Variants in RPS6KL1 observed in about 807,000 individuals in gnomAD.
RPS6KL1 encodes the protein ribosomal protein S6 kinase like 1.
RPS6KL1 carries 41 observed loss-of-function variants against 57.0 expected under a neutral mutation model. That is an observed-to-expected ratio of 0.72 (90% confidence interval 0.56 to 0.93). The LOEUF is 0.93. Among genes scored for constraint, RPS6KL1 ranks in the 40% least tolerant of loss-of-function variants. The probability of loss-of-function intolerance (pLI) is 0.00; values close to 1 mark genes in which losing one functional copy is unlikely to be tolerated. For missense variants in RPS6KL1, 697 were observed against 727.7 expected (o/e 0.96, Z 0.49); for synonymous variants, 287 against 309.7 (o/e 0.93, Z 0.77).
chr14:74,914,973 A>G (rs1049004275), intron 5 of RPS6KL1, among the ~76,000 whole-genome samples: 3 of 152,202 alleles, frequency 2.0e-5, no homozygotes, highest in African/African-American at 7.2e-5. Flanking sequence ...TGGCTCCCCA[A>G]AGTGTTGGGA....
chr14:74,917,493 T>C (rs1887045632), intron 5 of RPS6KL1, among the ~76,000 whole-genome samples: 1 of 152,198 alleles, frequency 6.6e-6, no homozygotes. Flanking sequence ...TGGGCATCTG[T>C]ATTTTTAGGA....
chr14:74,909,934 G>A lies in RPS6KL1; in HGVS notation c.879C>T (p.Ala293=). The A allele has an allele frequency of 6.2e-7, 1 of 1,614,118 alleles. No homozygotes were observed. Among genetic ancestry groups the A allele is most frequent in the African/African-American group, 1.3e-5 (1 of 75,050 alleles). ...TSPNLLLAGE[A]PSTRPQREAE... is the part of the protein sequence containing the mutation. The stretch of plus-strand genomic sequence containing the variant: ...CCTCCCTCTGGGGTCTGGTGGATGG[G>A]GCCTCCCCAGCTAGGAGAAGGTTCG... The change falls in exon 8 of 12, where the codon GCC becomes GCT. Residue 293 remains alanine (A), a synonymous_variant. Coordinates refer to ENST00000557413, the MANE Select transcript of RPS6KL1 (RefSeq NM_031464.5).
Position 74,905,623 on chromosome 14 carries a change from T to C in RPS6KL1, c.*1391A>G, listed in dbSNP as rs892237144. ...GCCCCAATGAGCCGTGGTCATTGCA[T>C]GGAAGAAGCGAGAACACCGTAGGCC... On this transcript the variant is annotated 3_prime_UTR_variant, in exon 12 of 12. Coordinates refer to ENST00000557413, the MANE Select transcript of RPS6KL1 (RefSeq NM_031464.5). 6.6e-6 allele frequency: 1 copy of C among 152,230 alleles called. No homozygotes were observed. Among genetic ancestry groups the C allele is most frequent in the African/African-American group, 2.4e-5 (1 of 41,434 alleles). 9.4% of individuals were successfully genotyped at this position (152,230 alleles called of 1,614,324 possible). A position where few individuals can be genotyped will look rare whatever the true frequency, so the allele number is the denominator to read the frequency against.
Position 74,919,942 on chromosome 14 carries a change from G to C in RPS6KL1, c.293C>G (p.Ala98Gly). 6.2e-7 allele frequency: 1 copy of C among 1,614,180 alleles called. No individual in the cohort carries two copies. Among genetic ancestry groups the C allele is most frequent in the Non-Finnish European group, 8.5e-7 (1 of 1,180,032 alleles). The change falls in exon 4 of 12, where the codon GCT becomes GGT. Residue 98 changes from alanine to glycine, a missense_variant. Coordinates refer to ENST00000557413, the MANE Select transcript of RPS6KL1 (RefSeq NM_031464.5). ...GTATTTGGTAATTTTCAGCTTCACA[G>C]CCTCACGTCGCTCCTTGTTGGGGTC... ...HVDPNKERRE[A>G]VKLKITKYLR...
Position 74,919,900 on chromosome 14 carries a change from T to A in RPS6KL1, c.335A>T (p.Glu112Val). The change falls in exon 4 of 12, where the codon GAG (glutamate) becomes GTG (valine). Residue 112 changes from glutamate to valine, a missense_variant. By Grantham distance (121) the Glu-to-Val change is moderately radical. Coordinates refer to ENST00000557413, the MANE Select transcript of RPS6KL1 (RefSeq NM_031464.5). Reference sequence around the variant, plus strand: ...CCGCTGCAGGTGGCAGTTGAAGATCTCCTCTGCCCGCCGCAGGTATTTGGT... The same window carrying A: ...CCGCTGCAGGTGGCAGTTGAAGATCACCTCTGCCCGCCGCAGGTATTTGGT... ...KITKYLRRAE[E>V]IFNCHLQRPL... is the part of the protein sequence containing the mutation. 1 of 1,613,894 alleles carries A rather than the reference T, an allele frequency of 6.2e-7. No homozygotes were observed. Among genetic ancestry groups the A allele is most frequent in the Non-Finnish European group, 8.5e-7 (1 of 1,179,974 alleles).
chr14:74,921,238 T>TACCCCCCCCCCCCCCCCCCCC, intron 3 of RPS6KL1, 39 bp downstream of exon 3: 1 of 840,174 alleles, frequency 1.2e-6, no homozygotes. Context: ...CACTGGCCCT[T>TACCCCCCCCCCCCCCCCCCCC]CCCCACCCAC....
At position 74,904,734 on chromosome 14, in the gene RPS6KL1, TTTGATAGCC is replaced by T. The variant is rs1043771604; in HGVS notation, c.*2271_*2279del. On this transcript the variant is annotated 3_prime_UTR_variant, in exon 12 of 12. Transcript: ENST00000557413. Reference sequence around the variant, plus strand: ...GTGGGGGCATCTCATTTCATTTGGATTTGATAGCCTTGTGGACCAAGATGCTCAAGGTCA... The same window carrying T: ...GTGGGGGCATCTCATTTCATTTGGATTTGTGGACCAAGATGCTCAAGGTCA... The T allele has an allele frequency of 5.9e-5, 9 of 152,200 alleles. No individual in the cohort carries two copies. The highest frequency in any genetic ancestry group is 2.2e-4 in the African/African-American group (9 of 41,438). 9.4% of individuals were successfully genotyped at this position (152,200 alleles called of 1,614,324 possible). A position where few individuals can be genotyped will look rare whatever the true frequency, so the allele number is the denominator to read the frequency against.
chr14:74,909,380 C>T, intron 8 of RPS6KL1, 163 bp downstream of exon 8: 1 of 1,064,944 alleles, frequency 9.4e-7, no homozygotes. Flanking sequence ...CAGGGTACTC[C>T]CAGGAGCCTC....
intron 7 of RPS6KL1, 114 bp from the exon 8 acceptor site, chr14:74,910,262 C>T: frequency 4.0e-6 from 5 of 1,243,406 alleles, no homozygotes; most frequent in Non-Finnish European, 4.3e-6. Flanking sequence ...CTTTCCGCCT[C>T]TGGGTGTCCT....
Position 74,922,277 on chromosome 14 carries a change from C to A in RPS6KL1, c.-320G>T, listed in dbSNP as rs1365926584. 34 of 986,080 alleles carry A rather than the reference C, an allele frequency of 3.4e-5. No individual in the cohort carries two copies. The highest frequency in any genetic ancestry group is 3.9e-5 in the Non-Finnish European group (32 of 830,476). 61.1% of individuals were successfully genotyped at this position (986,080 alleles called of 1,614,324 possible). On this transcript the variant is annotated 5_prime_UTR_variant, in exon 2 of 12. The change abolishes an upstream ATG in the 5' untranslated region. Coordinates refer to ENST00000557413, the MANE Select transcript of RPS6KL1 (RefSeq NM_031464.5). ...CACGCTGGGCTCAAATGCTGTTCCT[C>A]ATGCTGTTCCCTCCACCCTGCCTGT...
chr14:74,921,238 T>TTCCCCCCCCCCCCCCC, intron 3 of RPS6KL1, 39 bp downstream of exon 3: 13 of 840,138 alleles, frequency 1.5e-5, no homozygotes, highest in East Asian at 5.3e-5. Flanking sequence ...CACTGGCCCT[T>TTCCCCCCCCCCCCCCC]CCCCACCCAC....
Position 74,907,511 on chromosome 14 carries a change from G to A in RPS6KL1, c.1463C>T (p.Pro488Leu), listed in dbSNP as rs762624729. ...CTGGGTGTGGGCCTGGATTCCTGAA[G>A]GGTGGCTCTGGGACAGTGCCTGGGA... ...LTGMALSQSHPSGIQAHTQLQ... is the reference protein window; with the variant it reads ...LTGMALSQSHLSGIQAHTQLQ... Residue 488 changes from proline (P) to leucine (L), a missense_variant, in exon 11 of 12, where the codon CCT becomes CTT. Physicochemically the swap from Pro to Leu is moderately conservative, Grantham distance 98 (BLOSUM62 -3). Coordinates refer to ENST00000557413, the MANE Select transcript of RPS6KL1 (RefSeq NM_031464.5). 56 of 1,579,162 alleles carry A rather than the reference G, an allele frequency of 3.5e-5. No individual in the cohort carries two copies. Among genetic ancestry groups the A allele is most frequent in the Non-Finnish European group, 4.8e-5 (56 of 1,162,354 alleles).
At position 74,909,112 on chromosome 14, in the gene RPS6KL1, TAGAG is replaced by T. The variant is rs760909076; in HGVS notation, c.1345_1348del (p.Leu449ThrfsTer12). On this transcript the variant is annotated frameshift_variant, in exon 9 of 12. Coordinates refer to ENST00000557413, the MANE Select transcript of RPS6KL1 (RefSeq NM_031464.5). LOFTEE classifies it high-confidence loss of function. ...TCCCCCCTTCTTGCCTGGGGCGCTG[TAGAG>T]ATTGTCCACGGCCTCCCCGCAGCAC... 2 of 1,613,876 alleles carry T rather than the reference TAGAG, an allele frequency of 1.2e-6. No homozygotes were observed. Among genetic ancestry groups the T allele is most frequent in the Admixed American group, 1.7e-5 (1 of 60,000 alleles).
intron 4 of RPS6KL1, 31 bp from the exon 5 acceptor site, chr14:74,918,636 C>T (rs1485384566): frequency 6.6e-7 from 1 of 1,504,438 alleles, no homozygotes; most frequent in African/African-American, 1.4e-5. Context: ...CCACACACAG[C>T]CTCAGGGCCG....
chr14:74,906,414 G>GGGA lies in RPS6KL1; in HGVS notation c.*599_*600insTCC, dbSNP rs1884850956. The GGGA allele has an allele frequency of 3.0e-6, 1 of 338,642 alleles. No individual in the cohort carries two copies. The highest frequency in any genetic ancestry group is 2.1e-5 in the South Asian group (1 of 48,352). The allele number at this position is 338,642 out of a possible 1,614,324, so 21.0% of individuals were successfully genotyped here. On this transcript the variant is annotated 3_prime_UTR_variant, in exon 12 of 12. Coordinates refer to ENST00000557413, the MANE Select transcript of RPS6KL1 (RefSeq NM_031464.5). ...GCATGGTCAGGAATCGGGGGTGGGG[G>GGGA]GGTGGGGGTGGGGGTCATCCTGTCC...
chr14:74,907,374 GCC>G, intron 11 of RPS6KL1, 59 bp downstream of exon 11: 27 of 1,532,712 alleles, frequency 1.8e-5, no homozygotes, highest in Non-Finnish European at 2.4e-5. Context: ...ACAGTTCTGT[GCC>G]CCTCCCAGCA....
chr14:74,917,500 A>C (rs1300039580), intron 5 of RPS6KL1, among the ~76,000 whole-genome samples: 1 of 152,222 alleles, frequency 6.6e-6, no homozygotes, highest in Admixed American at 6.5e-5. Flanking sequence ...CTGTATTTTT[A>C]GGAAGCTCTC....
In RPS6KL1 at chr14:74,909,722, T is replaced by C. The variant is rs1885585093; in HGVS notation, c.1091A>G (p.Asp364Gly). ...PVLGGCGRGM[D>G]QSCLSADGAG... ...CCCATCTGCTGACAGGCAGCTCTGA[T>C]CCATGCCTCGGCCACAGCCCCCTAG... Residue 364 changes from aspartate to glycine, a missense_variant, in exon 8 of 12, where the codon GAT becomes GGT. Transcript: ENST00000557413. The C allele has an allele frequency of 1.2e-6, 2 of 1,608,180 alleles. No individual in the cohort carries two copies. The highest frequency in any genetic ancestry group is 1.7e-6 in the Non-Finnish European group (2 of 1,179,788).
chr14:74,919,824 G>T (rs767633794), intron 4 of RPS6KL1, 21 bp downstream of exon 4: 61 of 1,582,512 alleles, frequency 3.9e-5, no homozygotes, highest in Non-Finnish European at 4.7e-5. Flanking sequence ...TCAGGCCTTT[G>T]GGTGGGGGGG....
Sources: allele counts gnomAD v4.1 joint callset (sites outside exome capture counted in the v4.1 genomes callset), GRCh38; gene constraint gnomAD v4.1.1; transcripts MANE v1.5; gene names NCBI Gene and HGNC (gene_info 2026-07-23, HGNC 2026-07-21).